The following CPLX4 variants were observed in gnomAD, a reference collection of about 807,000 sequenced individuals.
The protein encoded by CPLX4 is complexin 4, also known as complexin-4.
In CPLX4, 17 loss-of-function variants were observed where a neutral mutation model predicts 16.1. That is an observed-to-expected ratio of 1.06 (90% confidence interval 0.72 to 1.59). CPLX4 has a LOEUF of 1.59. CPLX4 is among the 40% of genes most tolerant of loss of function. The pLI is 0.00. For missense variants in CPLX4, 193 were observed against 192.9 expected, an observed-to-expected ratio of 1.00 and a Z score of 0.00; for synonymous variants, 55 against 57.8, an observed-to-expected ratio of 0.95 and a Z score of 0.22.
chr18:59,308,434 G>A (rs960635075), intron 2 of CPLX4, among the ~76,000 whole-genome samples: 2 of 151,378 alleles, frequency 1.3e-5, no homozygotes, highest in Admixed American at 1.3e-4. Flanking sequence ...GAAAACGCAC[G>A]ATCTGGTCCT....
intron 2 of CPLX4, among the ~76,000 whole-genome samples, chr18:59,305,231 G>A (rs538401630): frequency 2.6e-5 from 4 of 152,248 alleles, no homozygotes; most frequent in South Asian, 4.1e-4. Context: ...AGCAGGGAAC[G>A]AAGCAGGAGG....
In CPLX4 at chr18:59,296,869, T is replaced by G; in HGVS notation, c.312A>C (p.Glu104Asp). ...QMAGDDVDLP[E>D]DLRKMVDEDQ... ...CTTCATCTACCATTTTCCGGAGATC[T>G]TCAGGTAAATCCACATCATCTCCAG... The change falls in exon 3 of 3, where the codon GAA (glutamate) becomes GAC (aspartate). Residue 104 changes from glutamate to aspartate, a missense_variant. By Grantham distance (45) the Glu-to-Asp change is conservative. Coordinates refer to ENST00000299721, the MANE Select transcript of CPLX4 (RefSeq NM_181654.4). The G allele has an allele frequency of 2.5e-6, 4 of 1,613,736 alleles. No individual in the cohort carries two copies. Among genetic ancestry groups the G allele is most frequent in the Non-Finnish European group, 3.4e-6 (4 of 1,179,982 alleles).
chr18:59,316,583 T>C (rs1039447571), intron 1 of CPLX4, among the ~76,000 whole-genome samples: 3 of 152,178 alleles, frequency 2.0e-5, no homozygotes, highest in African/African-American at 7.2e-5. Flanking sequence ...GGAAGCCAAA[T>C]GCTCCATTGT....
rs1425734817 is a variant in CPLX4, at chr18:59,309,721, A to C, written c.255+2964T>G. Among the ~76,000 whole-genome samples, 3 of 150,334 alleles carry C rather than the reference A, an allele frequency of 2.0e-5. No homozygotes were observed. The Admixed American group carries it at 2.0e-4, about 10-fold the overall frequency. ...GCCTGTAGTCCCAGCTACTCGGGAG[A>C]CTGAGGCAGGAGAATGGGGTGAACC... is the stretch of plus-strand genomic sequence containing the variant. On this transcript the variant is annotated intron_variant, in intron 2 of 2. Transcript: ENST00000299721.
intron 2 of CPLX4, among the ~76,000 whole-genome samples, chr18:59,300,694 A>C (rs948124898): frequency 6.6e-6 from 1 of 152,182 alleles, no homozygotes; most frequent in African/African-American, 2.4e-5. Context: ...TCTGTTAAGC[A>C]CTCACCCAGT....
At chr18:59,308,242 G>A (rs1443417352) in intron 2 of CPLX4, among the ~76,000 whole-genome samples, 1 of 152,124 alleles carries the variant, frequency 6.6e-6, no homozygotes, top group Non-Finnish European at 1.5e-5. Context: ...GAGGCCTGGG[G>A]CATGATTCTG....
Position 59,315,772 on chromosome 18 carries a change from A to C in CPLX4, c.167+2524T>G, listed in dbSNP as rs912786220. Among the ~76,000 whole-genome samples the C allele has an allele frequency of 3.9e-5, 6 of 152,218 alleles. No individual in the cohort carries two copies. The East Asian group carries it at 1.2e-3, about 29-fold the overall frequency. ...TTCAGTTGTTTAGCACCATTTGTTG[A>C]AAAGACTTTCCGTTCCTGGTCTGAT... On this transcript the variant is annotated intron_variant, in intron 1 of 2. Coordinates refer to ENST00000299721, the MANE Select transcript of CPLX4 (RefSeq NM_181654.4).
chr18:59,302,316 A>T (rs1021866768), intron 2 of CPLX4, among the ~76,000 whole-genome samples: 6 of 152,270 alleles, frequency 3.9e-5, no homozygotes, highest in African/African-American at 1.4e-4. Context: ...GCCTCATTAC[A>T]ACCCCCAAAT....
rs1308589035 is a variant in CPLX4 at position 59,296,304 on chromosome 18, C to T, written c.*394G>A. On this transcript the variant is annotated 3_prime_UTR_variant, in exon 3 of 3. Coordinates refer to ENST00000299721, the MANE Select transcript of CPLX4 (RefSeq NM_181654.4). ...AGACACCTTGACTCTCCACATTTCT[C>T]TCTGAAGGGACCTGGTGTCCTGCGA... 1 of 249,080 alleles carries T rather than the reference C, an allele frequency of 4.0e-6. No individual in the cohort carries two copies. Among genetic ancestry groups the T allele is most frequent in the Non-Finnish European group, 7.7e-6 (1 of 130,610 alleles). 15.4% of individuals were successfully genotyped at this position (249,080 alleles called of 1,614,324 possible). A position where few individuals can be genotyped will look rare whatever the true frequency, so the allele number is the denominator to read the frequency against.
chr18:59,314,512 CA>C (rs1393496584), intron 1 of CPLX4, among the ~76,000 whole-genome samples: 1 of 152,120 alleles, frequency 6.6e-6, no homozygotes, highest in African/African-American at 2.4e-5. Flanking sequence ...TCTTGTGAAG[CA>C]AAATTTGTAT....
intron 2 of CPLX4, among the ~76,000 whole-genome samples, chr18:59,307,895 G>A (rs2070588013): frequency 6.6e-6 from 1 of 151,718 alleles, no homozygotes; most frequent in South Asian, 2.1e-4. Flanking sequence ...GGGATTACAG[G>A]GGTCCGCCAC....
At chr18:59,317,567 G>C (rs936118542) in intron 1 of CPLX4, among the ~76,000 whole-genome samples, 9 of 152,064 alleles carry the variant, frequency 5.9e-5, no homozygotes, top group African/African-American at 2.2e-4. Flanking sequence ...GGTGGCTGAA[G>C]TATTTGGGGG....
intron 2 of CPLX4, among the ~76,000 whole-genome samples, chr18:59,312,056 A>T (rs1340241065): frequency 1.3e-5 from 2 of 152,142 alleles, no homozygotes; most frequent in Non-Finnish European, 2.9e-5. Context: ...GCAGGAGGGT[A>T]CCTACTTTCT....
rs1201767280 is a variant in CPLX4, at chr18:59,295,825, G to A, written c.*873C>T. The A allele has an allele frequency of 6.6e-6, 1 of 152,074 alleles. No homozygotes were observed. Among genetic ancestry groups the A allele is most frequent in the Non-Finnish European group, 1.5e-5 (1 of 68,012 alleles). 9.4% of individuals were successfully genotyped at this position (152,074 alleles called of 1,614,324 possible). A position where few individuals can be genotyped will look rare whatever the true frequency, so the allele number is the denominator to read the frequency against. ...AAAAAAAAGAGAGATAGGGAGAGAA[G>A]GGGATGAAAGAGAGAGAGAGGTTGG... On this transcript the variant is annotated 3_prime_UTR_variant, in exon 3 of 3. Coordinates refer to ENST00000299721, the MANE Select transcript of CPLX4 (RefSeq NM_181654.4).
At chr18:59,308,326 G>A (rs930794547) in intron 2 of CPLX4, among the ~76,000 whole-genome samples, 1 of 152,114 alleles carries the variant, frequency 6.6e-6, no homozygotes, top group Non-Finnish European at 1.5e-5. Context: ...GCCCTCGATT[G>A]CTGTCGTTTC....
intron 2 of CPLX4, among the ~76,000 whole-genome samples, chr18:59,307,392 A>G (rs2070583943): frequency 6.6e-6 from 1 of 152,226 alleles, no homozygotes; most frequent in African/African-American, 2.4e-5. Flanking sequence ...AAAAGAACTT[A>G]GAAGGTTGGA....
intron 2 of CPLX4, among the ~76,000 whole-genome samples, chr18:59,308,779 C>T (rs1324303916): frequency 5.3e-5 from 8 of 152,206 alleles, no homozygotes; most frequent in African/African-American, 1.9e-4. Context: ...CCTGGGCAGA[C>T]GTTAGCCTGG....
At chr18:59,313,891 T>C (rs2070634884) in intron 1 of CPLX4, among the ~76,000 whole-genome samples, 1 of 152,232 alleles carries the variant, frequency 6.6e-6, no homozygotes. Flanking sequence ...GGAATTCTAC[T>C]TGTGGATCTG....
chr18:59,310,543 T>C (rs1003932861), intron 2 of CPLX4, among the ~76,000 whole-genome samples: 1 of 152,162 alleles, frequency 6.6e-6, no homozygotes, highest in African/African-American at 2.4e-5. Context: ...GGAACCTCCA[T>C]TGTTGCATTG....
Sources: allele counts gnomAD v4.1 joint callset (sites outside exome capture counted in the v4.1 genomes callset), GRCh38; gene constraint gnomAD v4.1.1; transcripts MANE v1.5; gene names NCBI Gene and HGNC (gene_info 2026-07-23, HGNC 2026-07-21).